The following CEP112 variants were observed in gnomAD, a reference collection of about 807,000 sequenced individuals.
CEP112 encodes the protein centrosomal protein of 112 kDa.
Under a neutral mutation model 153.0 loss-of-function variants are expected in CEP112, and 127 were observed. That is an observed-to-expected ratio of 0.83 (90% confidence interval 0.72 to 0.96). The LOEUF (loss-of-function observed/expected upper bound fraction) is 0.96, where lower values mean the gene tolerates loss of function less well. Among genes scored for constraint, CEP112 ranks in the 40% least tolerant of loss-of-function variants. CEP112 has a pLI of 0.00. For synonymous variants in CEP112, 358 were observed against 374.4 expected (o/e 0.96, Z 0.51); for missense variants, 1,089 against 1,101.2 (o/e 0.99, Z 0.16).
At chr17:65,997,325 T>C (rs2063826364) in intron 17 of CEP112, among the ~76,000 whole-genome samples, 1 of 152,192 alleles carries the variant, frequency 6.6e-6, no homozygotes, top group South Asian at 2.1e-4. Context: ...TGTCCTTTCA[T>C]TCTAGGCGAG....
chr17:65,951,333 G>T (rs186202721), intron 18 of CEP112, among the ~76,000 whole-genome samples: 1 of 152,130 alleles, frequency 6.6e-6, no homozygotes. Context: ...AATAGTTGAT[G>T]TAATTCGCCA....
At chr17:65,987,033 G>A (rs1018172523) in intron 17 of CEP112, among the ~76,000 whole-genome samples, 1 of 152,024 alleles carries the variant, frequency 6.6e-6, no homozygotes, top group Non-Finnish European at 1.5e-5. Context: ...ATACCAGTTG[G>A]AGACTAAAAG....
At chr17:65,967,537 T>G (rs531363662) in intron 17 of CEP112, among the ~76,000 whole-genome samples, 1 of 152,136 alleles carries the variant, frequency 6.6e-6, no homozygotes, top group East Asian at 1.9e-4. Flanking sequence ...AGGGAAAAGA[T>G]GAAAATATAA....
At chr17:66,047,983 G>A (rs1463010204) in intron 12 of CEP112, among the ~76,000 whole-genome samples, 2 of 152,032 alleles carry the variant, frequency 1.3e-5, no homozygotes, top group African/African-American at 4.8e-5. Flanking sequence ...ACCCCCTGCT[G>A]TATATTTTAA....
chr17:66,062,855 T>G, intron 11 of CEP112, 108 bp downstream of exon 11: 1 of 517,026 alleles, frequency 1.9e-6, no homozygotes, highest in East Asian at 3.4e-5. Flanking sequence ...TTTTAGTTAT[T>G]TTTTAAACTT....
chr17:65,969,616 C>A (rs1028140228), intron 17 of CEP112, among the ~76,000 whole-genome samples: 1 of 152,166 alleles, frequency 6.6e-6, no homozygotes. Flanking sequence ...TACATGTGTG[C>A]CGCATGCACT....
intron 17 of CEP112, among the ~76,000 whole-genome samples, chr17:65,970,770 G>GCATA (rs2062715552): frequency 1.4e-5 from 2 of 146,048 alleles, no homozygotes; most frequent in Non-Finnish European, 3.0e-5. Flanking sequence ...TATGTTACAT[G>GCATA]TTACATGCAT....
At chr17:66,043,141 G>C in intron 12 of CEP112, 1 of 878,028 alleles carries the variant, frequency 1.1e-6, no homozygotes, top group Non-Finnish European at 1.4e-6. Context: ...GACTGTCGCT[G>C]AATTTGAATT....
At chr17:65,670,927 C>G (rs62063560) in intron 24 of CEP112, among the ~76,000 whole-genome samples, 3,656 of 151,124 alleles carry the variant, frequency 0.024, 117 homozygotes, top group African/African-American at 0.065. Flanking sequence ...AGACTAAGCT[C>G]AGTACAGATA....
At chr17:65,834,458 A>G (rs764111766) in intron 21 of CEP112, among the ~76,000 whole-genome samples, 2 of 152,190 alleles carry the variant, frequency 1.3e-5, no homozygotes, top group Non-Finnish European at 2.9e-5. Flanking sequence ...TGCATGTAAC[A>G]AAGGTCTAAT....
At chr17:66,171,376 G>A (rs1465225190) in intron 4 of CEP112, among the ~76,000 whole-genome samples, 1 of 152,072 alleles carries the variant, frequency 6.6e-6, no homozygotes, top group East Asian at 1.9e-4. Flanking sequence ...AAATTTATGA[G>A]GCAGCATTAA....
intron 21 of CEP112, among the ~76,000 whole-genome samples, chr17:65,809,106 C>G (rs997429978): frequency 2.0e-5 from 3 of 152,118 alleles, no homozygotes; most frequent in Non-Finnish European, 4.4e-5. Flanking sequence ...CAGTGGTGTT[C>G]TGTTATAGTA....
At chr17:66,107,386 T>TA (rs2068830795) in intron 6 of CEP112, among the ~76,000 whole-genome samples, 1 of 152,006 alleles carries the variant, frequency 6.6e-6, no homozygotes, top group South Asian at 2.1e-4. Flanking sequence ...TCTTATATCT[T>TA]AAAAAAACTT....
At chr17:65,747,243 C>T (rs2051527798) in intron 22 of CEP112, among the ~76,000 whole-genome samples, 2 of 152,170 alleles carry the variant, frequency 1.3e-5, no homozygotes, top group African/African-American at 2.4e-5. Context: ...TGAACACTGA[C>T]GCTCCTCACA....
chr17:66,061,377 CA>C (rs1296450146), intron 11 of CEP112, among the ~76,000 whole-genome samples: 6 of 151,964 alleles, frequency 3.9e-5, no homozygotes, highest in Non-Finnish European at 7.4e-5. Context: ...TGTGGTTCCT[CA>C]AAAAATTAAA....
At chr17:65,643,031 G>A (rs1023378858) in intron 24 of CEP112, among the ~76,000 whole-genome samples, 4 of 152,040 alleles carry the variant, frequency 2.6e-5, no homozygotes, top group East Asian at 1.9e-4. Flanking sequence ...ACACCATCCC[G>A]GGACAAGTGC....
rs144694855 is a variant in CEP112 at position 65,689,376 on chromosome 17, C to T, written c.2608-158G>A. 3.6e-3 allele frequency among the ~76,000 whole-genome samples: 550 copies of T among 152,210 alleles called. 1 individual carries two copies. Among genetic ancestry groups the T allele is most frequent in the African/African-American group, 0.013 (534 of 41,528 alleles). ...AATACCAGACTTTTGTGTGTCAGGC[C>T]AAGATGTTTTCTGCTTTAAGAATAC... is the stretch of plus-strand genomic sequence containing the variant. On this transcript the variant is annotated intron_variant, in intron 23 of 26. Transcript: ENST00000535342.
At chr17:65,896,279 T>C (rs2059656362) in intron 20 of CEP112, among the ~76,000 whole-genome samples, 1 of 152,042 alleles carries the variant, frequency 6.6e-6, no homozygotes, top group African/African-American at 2.4e-5. Context: ...TCATCTTGTA[T>C]TTTTTGCTTT....
chr17:65,928,150 C>A (rs1221132581), intron 18 of CEP112, among the ~76,000 whole-genome samples: 2 of 152,058 alleles, frequency 1.3e-5, no homozygotes, highest in East Asian at 1.9e-4. Flanking sequence ...AAAAGATATA[C>A]AAAAGGCCAA....
Sources: allele counts gnomAD v4.1 joint callset (sites outside exome capture counted in the v4.1 genomes callset), GRCh38; gene constraint gnomAD v4.1.1; transcripts MANE v1.5; gene names NCBI Gene and HGNC (gene_info 2026-07-23, HGNC 2026-07-21).